The following PLEKHG4B variants were observed in gnomAD, a reference collection of about 807,000 sequenced individuals.
The protein encoded by PLEKHG4B is pleckstrin homology and RhoGEF domain containing G4B.
Under a neutral mutation model 121.3 loss-of-function variants are expected in PLEKHG4B, and 111 were observed. The observed-to-expected ratio is 0.92, with a 90% CI of 0.78 to 1.07. PLEKHG4B has a LOEUF of 1.07. Ranked by LOEUF, PLEKHG4B falls within the 50% of genes least tolerant of loss-of-function variation. The pLI is 0.00. For missense variants in PLEKHG4B, 1,831 were observed against 1,757.8 expected, an observed-to-expected ratio of 1.04 and a Z score of -0.74; for synonymous variants, 738 against 725.0, an observed-to-expected ratio of 1.02 and a Z score of -0.29.
rs900598342 is a variant in PLEKHG4B, at chr5:183,473, TAAG to T, written c.*1153_*1155del. 1.3e-4 allele frequency: 20 copies of T among 152,080 alleles called. No homozygotes were observed. The highest frequency in any genetic ancestry group is 4.3e-4 in the African/African-American group (18 of 41,396). The allele number at this position is 152,080 out of a possible 1,614,324, so 9.4% of individuals were successfully genotyped here. On this transcript the variant is annotated 3_prime_UTR_variant, in exon 20 of 20. Coordinates refer to ENST00000637938, the MANE Select transcript of PLEKHG4B (RefSeq NM_052909.5). ...GCCCAGGCGTCCAGAAAGTTAAAGT[TAAG>T]AACCTATAATCCCAGCACTTTGGGA...
chr5:148,004 A>T (rs762413715), intron 6 of PLEKHG4B, among the ~76,000 whole-genome samples: 1 of 152,234 alleles, frequency 6.6e-6, no homozygotes, highest in Non-Finnish European at 1.5e-5. Context: ...TGATGCCAAA[A>T]AAAAAGCATT....
intron 13 of PLEKHG4B, among the ~76,000 whole-genome samples, chr5:168,870 T>C (rs1736441168): frequency 1.4e-5 from 2 of 145,822 alleles, no homozygotes; most frequent in South Asian, 2.2e-4. Context: ...TTATTCTTTT[T>C]TTTTTTTTTT....
At position 163,408 on chromosome 5, in the gene PLEKHG4B, G is replaced by A. The variant is rs1263180624; in HGVS notation, c.3336G>A (p.Glu1112=). Residue 1112 remains glutamate (E), a synonymous_variant, in exon 13 of 20, where the codon GAG becomes GAA. Transcript: ENST00000637938. Reference sequence around the variant, plus strand: ...CTAGTGTCTTCAGCAAGGGCCTGGAGGTAACCAGCACTGTAGCCACAGAGA... The same window carrying A: ...CTAGTGTCTTCAGCAAGGGCCTGGAAGTAACCAGCACTGTAGCCACAGAGA... ...DHTSVFSKGL[E]VTSTVATEKK... is the part of the protein sequence containing the mutation. 3.1e-6 allele frequency: 5 copies of A among 1,612,932 alleles called. 1 individual carries two copies. Among genetic ancestry groups the A allele is most frequent in the South Asian group, 2.2e-5 (2 of 91,094 alleles).
chr5:162,566 C>T (rs112746267), intron 12 of PLEKHG4B, among the ~76,000 whole-genome samples, 156 bp from the exon 13 acceptor site: 32 of 152,384 alleles, frequency 2.1e-4, no homozygotes, highest in Admixed American at 4.6e-4. Context: ...CCGCTGAACC[C>T]GGCCACAGCC....
Position 139,461 on chromosome 5 carries a change from C to T in PLEKHG4B, c.244-22C>T, listed in dbSNP as rs1272095846. 4 of 398,840 alleles carry T rather than the reference C, an allele frequency of 1.0e-5. No homozygotes were observed. The highest frequency in any genetic ancestry group is 1.8e-5 in the Non-Finnish European group (4 of 226,178). 24.7% of individuals were successfully genotyped at this position (398,840 alleles called of 1,614,324 possible). A position where few individuals can be genotyped will look rare whatever the true frequency, so the allele number is the denominator to read the frequency against. On this transcript the variant is annotated intron_variant, in intron 2 of 19. Coordinates refer to ENST00000637938, the MANE Select transcript of PLEKHG4B (RefSeq NM_052909.5). The surrounding 1 kb of genome is among the most constrained non-coding windows in gnomAD (Gnocchi z 5.0). The stretch of plus-strand genomic sequence containing the variant: ...AGGACATGGCCGTGCCCACCACTAA[C>T]CTCCCTCCTCTCTTGTCTCAGGCCA...
chr5:134,673 C>T (rs1324988877), intron 2 of PLEKHG4B, among the ~76,000 whole-genome samples: 4 of 150,454 alleles, frequency 2.7e-5, no homozygotes, highest in African/African-American at 7.3e-5. Context: ...GGCTGAGACA[C>T]GAGAATCACT....
At chr5:98,475 G>A (rs375823727) in intron 1 of PLEKHG4B, among the ~76,000 whole-genome samples, 65 of 110,226 alleles carry the variant, frequency 5.9e-4, no homozygotes, top group East Asian at 4.6e-3. Flanking sequence ...TCACTCTGTC[G>A]CCAGGCTGGA....
At chr5:141,458 C>T (rs1233044966) in intron 3 of PLEKHG4B, among the ~76,000 whole-genome samples, 1 of 150,338 alleles carries the variant, frequency 6.7e-6, no homozygotes, top group Non-Finnish European at 1.5e-5. Flanking sequence ...GCCCTCTGAC[C>T]GTCCTCCGTG....
Position 173,003 on chromosome 5 carries a change from TGTTTAGCA to T in PLEKHG4B, c.4158_4165del (p.Phe1387AspfsTer36). ...GTGTTCCTCTTTGAAGACCTCATCCTGTTTAGCAAGACCCAGAAGGTGGAGGGCAGCCA... is the reference window on the plus strand; with the variant it reads ...GTGTTCCTCTTTGAAGACCTCATCCTAGACCCAGAAGGTGGAGGGCAGCCA... On this transcript the variant is annotated frameshift_variant, in exon 17 of 20. Transcript: ENST00000637938. LOFTEE classifies it high-confidence loss of function. 1.2e-6 allele frequency: 2 copies of T among 1,614,174 alleles called. No homozygotes were observed. Among genetic ancestry groups the T allele is most frequent in the Non-Finnish European group, 1.7e-6 (2 of 1,180,028 alleles).
chr5:98,502 T>G (rs1027321109), intron 1 of PLEKHG4B, among the ~76,000 whole-genome samples: 4 of 138,256 alleles, frequency 2.9e-5, no homozygotes, highest in Non-Finnish European at 6.1e-5. Context: ...TGGCACGATC[T>G]TGGCTCACTG....
At position 170,933 on chromosome 5, in the gene PLEKHG4B, C is replaced by T. The variant is rs568998303; in HGVS notation, c.3730-110C>T. The T allele has an allele frequency of 9.0e-5, 72 of 795,898 alleles. 4 individuals are homozygous for T. The South Asian group carries it at 1.1e-3, about 12-fold the overall frequency. The allele number at this position is 795,898 out of a possible 1,614,324, so 49.3% of individuals were successfully genotyped here. On this transcript the variant is annotated intron_variant, in intron 14 of 19. Coordinates refer to ENST00000637938, the MANE Select transcript of PLEKHG4B (RefSeq NM_052909.5). ...TCACCTGATCATGGTACAAACTGCA[C>T]CTGGGGGGTCTTGGGACGGGAGCAG...
intron 11 of PLEKHG4B, among the ~76,000 whole-genome samples, chr5:160,330 G>A (rs1735951713): frequency 2.0e-5 from 3 of 152,200 alleles, no homozygotes; most frequent in Admixed American, 2.0e-4. Flanking sequence ...TTCACAGCCT[G>A]TGGGTGTTGA....
chr5:158,008 A>C (rs529026745), intron 11 of PLEKHG4B, among the ~76,000 whole-genome samples: 4 of 152,214 alleles, frequency 2.6e-5, no homozygotes, highest in South Asian at 4.2e-4. Flanking sequence ...CCAGCTCCCA[A>C]ATATTGGCCA....
At chr5:94,282 G>A (rs77583049) in intron 1 of PLEKHG4B, among the ~76,000 whole-genome samples, 6,770 of 152,346 alleles carry the variant, frequency 0.044, 226 homozygotes, top group Non-Finnish European at 0.069. Context: ...CCCACACCTG[G>A]CAGGGCAGGT....
intron 1 of PLEKHG4B, among the ~76,000 whole-genome samples, chr5:109,131 G>A (rs1734061237): frequency 6.6e-6 from 1 of 152,182 alleles, no homozygotes; most frequent in African/African-American, 2.4e-5. Flanking sequence ...GGAGCCACGG[G>A]TGTCTGCTGC....
chr5:135,683 A>ATT, intron 2 of PLEKHG4B, among the ~76,000 whole-genome samples: 1 of 16,118 alleles, frequency 6.2e-5, no homozygotes, highest in Middle Eastern at 0.038. Context: ...AAAAAAAAAA[A>ATT]TATATATATA....
chr5:140,662 G>C lies in PLEKHG4B; in HGVS notation c.1423G>C (p.Val475Leu). ...RPGGHLGGQA[V>L]GTPNCVPVEG... ...TGGGGGCCACCTAGGAGGACAAGCT[G>C]TGGGGACCCCAAACTGTGTCCCAGT... Residue 475 changes from valine (V) to leucine (L), a missense_variant, in exon 3 of 20, where the codon GTG (valine) becomes CTG (leucine). Val to Leu is a conservative substitution (Grantham distance 32). Transcript: ENST00000637938. 3.7e-6 allele frequency: 6 copies of C among 1,606,222 alleles called. No homozygotes were observed. Among genetic ancestry groups the C allele is most frequent in the Non-Finnish European group, 5.1e-6 (6 of 1,176,404 alleles).
At position 164,977 on chromosome 5, in the gene PLEKHG4B, A is replaced by G. The variant is rs1222365940; in HGVS notation, c.3476+1429A>G. 3.9e-3 allele frequency among the ~76,000 whole-genome samples: 161 copies of G among 41,122 alleles called. 42 individuals are homozygous for G. Among genetic ancestry groups the G allele is most frequent in the Admixed American group, 5.2e-3 (22 of 4,228 alleles). The allele number at this position is 41,122 out of a possible 152,430, so 27.0% of individuals were successfully genotyped here. On this transcript the variant is annotated intron_variant, in intron 13 of 19. Transcript: ENST00000637938. ...ACACACTAATGCTCTGACGGGGCGG[A>G]GCTCACACTAATGCTCTGACGGGGC...
chr5:172,742 CA>C (rs1448083835), intron 16 of PLEKHG4B, among the ~76,000 whole-genome samples, 154 bp from the exon 17 acceptor site: 2 of 152,222 alleles, frequency 1.3e-5, no homozygotes, highest in South Asian at 4.1e-4. Flanking sequence ...AAACCTTTAA[CA>C]GCTAACATTA....
Sources: allele counts gnomAD v4.1 joint callset (sites outside exome capture counted in the v4.1 genomes callset), GRCh38; gene constraint gnomAD v4.1.1; non-coding constraint Gnocchi (gnomAD v3.1); transcripts MANE v1.5; gene names NCBI Gene and HGNC (gene_info 2026-07-23, HGNC 2026-07-21).